The following ADAMTS18 variants were observed in gnomAD, a reference collection of about 807,000 sequenced individuals.
ADAMTS18 encodes A disintegrin and metalloproteinase with thrombospondin motifs 18.
ADAMTS18 carries 157 observed loss-of-function variants against 165.9 expected under a neutral mutation model. The ratio of observed to expected loss-of-function variants is 0.95; its 90% CI spans 0.83 to 1.08. The LOEUF (loss-of-function observed/expected upper bound fraction) is 1.08. ADAMTS18 is among the 50% of genes least tolerant of loss of function. The probability of loss-of-function intolerance (pLI) is 0.00; values close to 1 mark genes in which losing one functional copy is unlikely to be tolerated. For synonymous variants in ADAMTS18, 782 were observed against 578.2 expected (o/e 1.35, Z -5.06); for missense variants, 2,040 against 1,534.0 (o/e 1.33, Z -5.51).
intron 3 of ADAMTS18, among the ~76,000 whole-genome samples, chr16:77,419,105 T>C (rs558108979): frequency 3.0e-4 from 46 of 152,196 alleles, no homozygotes; most frequent in Non-Finnish European, 5.3e-4. Context: ...GCCAAGATCA[T>C]GCCACTGCAC....
At chr16:77,290,698 A>C (rs1414893858) in intron 21 of ADAMTS18, 2 of 166,418 alleles carry the variant, frequency 1.2e-5, no homozygotes, top group Non-Finnish European at 2.6e-5. Context: ...AATCCTAGCT[A>C]AAGTTTCACC....
rs1169276573 is a variant in ADAMTS18, at chr16:77,404,713, G to A, written c.495+26582C>T. On this transcript the variant is annotated intron_variant, in intron 3 of 22. Coordinates refer to ENST00000282849, the MANE Select transcript of ADAMTS18 (RefSeq NM_199355.4). ...CTTGTTTTCTAATGTATTTCTCACAGAGTGCACTCTGTGATCCTTTGCGTC... is the reference window on the plus strand; with the variant it reads ...CTTGTTTTCTAATGTATTTCTCACAAAGTGCACTCTGTGATCCTTTGCGTC... Among the ~76,000 whole-genome samples, 5 of 152,228 alleles carry A rather than the reference G, an allele frequency of 3.3e-5. No homozygotes were observed. The East Asian group carries it at 5.8e-4, about 18-fold the overall frequency.
intron 22 of ADAMTS18, among the ~76,000 whole-genome samples, chr16:77,285,381 C>G (rs2055229192): frequency 6.6e-6 from 1 of 151,398 alleles, no homozygotes; most frequent in Admixed American, 6.6e-5. Flanking sequence ...CCATGTTGGT[C>G]ACGCTGGTCT....
At chr16:77,385,206 GC>G (rs1454137370) in intron 3 of ADAMTS18, among the ~76,000 whole-genome samples, 1 of 152,106 alleles carries the variant, frequency 6.6e-6, no homozygotes, top group Non-Finnish European at 1.5e-5. Flanking sequence ...ACCATGCCTG[GC>G]CATAGATAAA....
Position 77,425,235 on chromosome 16 carries a change from C to T in ADAMTS18, c.495+6060G>A, listed in dbSNP as rs145761170. Among the ~76,000 whole-genome samples the T allele has an allele frequency of 2.3e-3, 349 of 152,238 alleles. 1 individual carries two copies. Among genetic ancestry groups the T allele is most frequent in the African/African-American group, 7.9e-3 (329 of 41,546 alleles). ...AGTGCAGCCAGCCATGGGGGAGAAA[C>T]GCCACTTACGGTTTAATTGTTGGGG... On this transcript the variant is annotated intron_variant, in intron 3 of 22. Transcript: ENST00000282849.
chr16:77,383,220 T>C (rs2057057555), intron 3 of ADAMTS18, among the ~76,000 whole-genome samples: 1 of 152,118 alleles, frequency 6.6e-6, no homozygotes. Context: ...TCCAGAGTTG[T>C]TTTTTCCAAA....
chr16:77,361,728 A>C (rs550137426), intron 7 of ADAMTS18, among the ~76,000 whole-genome samples: 1 of 152,304 alleles, frequency 6.6e-6, no homozygotes, highest in African/African-American at 2.4e-5. Flanking sequence ...TACTAAAAAT[A>C]CAAAAATTAG....
chr16:77,358,095 T>C (rs1056075348), intron 8 of ADAMTS18, among the ~76,000 whole-genome samples: 2 of 152,214 alleles, frequency 1.3e-5, no homozygotes, highest in Admixed American at 6.5e-5. Context: ...AGAAGCATTG[T>C]TCTTAGTGAG....
chr16:77,397,538 G>C (rs1471048446), intron 3 of ADAMTS18, among the ~76,000 whole-genome samples: 1 of 152,178 alleles, frequency 6.6e-6, no homozygotes, highest in African/African-American at 2.4e-5. Flanking sequence ...AGGTCTCATA[G>C]AATTTGGAGT....
intron 3 of ADAMTS18, among the ~76,000 whole-genome samples, chr16:77,370,562 C>T (rs1007523115): frequency 9.9e-5 from 15 of 151,966 alleles, no homozygotes; most frequent in African/African-American, 3.6e-4. Flanking sequence ...CCAGCCTGGC[C>T]AACATGGTGA....
intron 3 of ADAMTS18, among the ~76,000 whole-genome samples, chr16:77,397,996 G>T (rs1294560718): frequency 6.6e-6 from 1 of 152,102 alleles, no homozygotes; most frequent in Non-Finnish European, 1.5e-5. Context: ...GGATGGTAAG[G>T]GTAAGAAATC....
intron 3 of ADAMTS18, among the ~76,000 whole-genome samples, chr16:77,400,424 T>TTG (rs145473637): frequency 0.12 from 16,574 of 135,506 alleles, 1,416 homozygotes; most frequent in East Asian, 0.31. Flanking sequence ...TCAGGGGGAA[T>TTG]TGTGTGTGTG....
intron 3 of ADAMTS18, among the ~76,000 whole-genome samples, chr16:77,369,282 A>G (rs2056843341): frequency 6.6e-6 from 1 of 152,156 alleles, no homozygotes; most frequent in Non-Finnish European, 1.5e-5. Flanking sequence ...CTTTTTAAAA[A>G]ACCAACTTTT....
At chr16:77,424,759 C>T (rs2057650216) in intron 3 of ADAMTS18, among the ~76,000 whole-genome samples, 1 of 152,214 alleles carries the variant, frequency 6.6e-6, no homozygotes, top group African/African-American at 2.4e-5. Flanking sequence ...GAAAACATCA[C>T]TGATTTCAGT....
chr16:77,412,955 T>C (rs751686628), intron 3 of ADAMTS18, among the ~76,000 whole-genome samples: 2 of 152,120 alleles, frequency 1.3e-5, no homozygotes, highest in Non-Finnish European at 2.9e-5. Flanking sequence ...CCTCCGTCTT[T>C]GAAAGCTCTG....
At chr16:77,373,328 C>A (rs2056902757) in intron 3 of ADAMTS18, among the ~76,000 whole-genome samples, 2 of 151,710 alleles carry the variant, frequency 1.3e-5, no homozygotes, top group African/African-American at 2.4e-5. Flanking sequence ...CAAAAACTAG[C>A]CAGGCATATA....
chr16:77,287,585 C>T (rs1428515243), intron 22 of ADAMTS18, among the ~76,000 whole-genome samples: 1 of 152,090 alleles, frequency 6.6e-6, no homozygotes, highest in Non-Finnish European at 1.5e-5. Context: ...TCAAGAGATC[C>T]TCCCACCTCC....
chr16:77,382,162 C>T (rs1452386407), intron 3 of ADAMTS18, among the ~76,000 whole-genome samples: 1 of 152,162 alleles, frequency 6.6e-6, no homozygotes, highest in African/African-American at 2.4e-5. Flanking sequence ...CTTCCCAGCC[C>T]CTGAGATAGC....
At chr16:77,315,336 C>T (rs1241748772) in intron 16 of ADAMTS18, among the ~76,000 whole-genome samples, 1 of 152,154 alleles carries the variant, frequency 6.6e-6, no homozygotes, top group East Asian at 1.9e-4. Context: ...GTAGCAAAGC[C>T]TATTGTAAAC....
Sources: gnomAD v4.1 joint callset for allele counts (sites outside exome capture counted in the v4.1 genomes callset) on GRCh38, gnomAD v4.1.1 for gene constraint, MANE v1.5 for transcripts, NCBI Gene and HGNC (gene_info 2026-07-23, HGNC 2026-07-21) for gene names.